The following SLIT3 variants were observed in gnomAD, a reference collection of about 807,000 sequenced individuals.
The protein encoded by SLIT3 is slit homolog 3 protein.
SLIT3 carries 68 observed loss-of-function variants against 184.0 expected under a neutral mutation model. The observed-to-expected ratio is 0.37, with a 90% CI of 0.30 to 0.45. The LOEUF (loss-of-function observed/expected upper bound fraction) is 0.45, where lower values mean the gene tolerates loss of function less well. Ranked by LOEUF, SLIT3 falls within the 20% of genes least tolerant of loss-of-function variation. The pLI is 1.00. For synonymous variants in SLIT3, 831 were observed against 828.6 expected (o/e 1.00, Z -0.05); for missense variants, 1,707 against 2,026.0 (o/e 0.84, Z 3.02).
chr5:168,775,912 T>C (rs1755730595), intron 12 of SLIT3, among the ~76,000 whole-genome samples: 1 of 152,200 alleles, frequency 6.6e-6, no homozygotes, highest in Non-Finnish European at 1.5e-5. Context: ...GTCAAGCACA[T>C]TGAGATCCTA....
chr5:168,784,872 C>T (rs1756096381), intron 12 of SLIT3, among the ~76,000 whole-genome samples: 1 of 150,830 alleles, frequency 6.6e-6, no homozygotes, highest in Admixed American at 6.6e-5. Flanking sequence ...TAAAAAGACA[C>T]ACACACACAC....
chr5:168,997,332 TC>T (rs1755549213), intron 4 of SLIT3, among the ~76,000 whole-genome samples: 2 of 151,888 alleles, frequency 1.3e-5, no homozygotes, highest in South Asian at 4.2e-4. Context: ...TCCTACCCCA[TC>T]CCCCCACTTT....
chr5:168,895,063 G>A (rs1224957389), intron 4 of SLIT3, among the ~76,000 whole-genome samples: 1 of 152,200 alleles, frequency 6.6e-6, no homozygotes, highest in African/African-American at 2.4e-5. Flanking sequence ...TTGTAGTGAG[G>A]TGAGGAGGTA....
At chr5:169,196,436 C>T (rs867631633) in intron 3 of SLIT3, among the ~76,000 whole-genome samples, 46 of 152,150 alleles carry the variant, frequency 3.0e-4, no homozygotes, top group Middle Eastern at 3.2e-3. Context: ...ACAGTGTCTA[C>T]GCAAGCGTTC....
intron 5 of SLIT3, among the ~76,000 whole-genome samples, chr5:168,854,850 A>G (rs965784575): frequency 3.1e-4 from 47 of 152,208 alleles, no homozygotes; most frequent in African/African-American, 1.1e-3. Flanking sequence ...GCAGAAGCCA[A>G]TTAAAACATG....
At chr5:169,236,758 C>T (rs1257764269) in intron 3 of SLIT3, among the ~76,000 whole-genome samples, 1 of 152,134 alleles carries the variant, frequency 6.6e-6, no homozygotes, top group Non-Finnish European at 1.5e-5. Context: ...GTGTGAGCCA[C>T]CACACCCAGC....
intron 9 of SLIT3, among the ~76,000 whole-genome samples, chr5:168,804,686 G>A (rs773957105): frequency 6.6e-5 from 10 of 152,224 alleles, no homozygotes; most frequent in Non-Finnish European, 1.5e-4. Context: ...CATGGGTTGT[G>A]TCTACTATGG....
At position 168,951,240 on chromosome 5, in the gene SLIT3, C is replaced by G. The variant is rs114202862; in HGVS notation, c.414-67904G>C. Among the ~76,000 whole-genome samples, 1,258 of 152,158 alleles carry G rather than the reference C, an allele frequency of 8.3e-3. 21 individuals carry two copies. The highest frequency in any genetic ancestry group is 0.028 in the African/African-American group (1,182 of 41,524). On this transcript the variant is annotated intron_variant, in intron 4 of 35. Transcript: ENST00000519560. ...CTCAAAACACGAAACAAAACAAAAC[C>G]CATCAAATCTATTTAATTTCAGTGA...
intron 4 of SLIT3, among the ~76,000 whole-genome samples, chr5:169,183,803 T>C (rs1763245539): frequency 6.6e-6 from 1 of 152,232 alleles, no homozygotes. Flanking sequence ...TATTCCCCCA[T>C]ATATCCCTTC....
In SLIT3 at chr5:168,664,941, C is replaced by CAGAT. The variant is rs1379494834; in HGVS notation, c.*1509_*1512dup. ...TAAGCCCTGGTCTCCAGAATCTTTC[C>CAGAT]AGATACTGCGGAGGGAGAAGGAGTG... On this transcript the variant is annotated 3_prime_UTR_variant, in exon 36 of 36. Coordinates refer to ENST00000519560, the MANE Select transcript of SLIT3 (RefSeq NM_003062.4). 6.6e-6 allele frequency: 1 copy of CAGAT among 152,272 alleles called. No individual in the cohort carries two copies. Among genetic ancestry groups the CAGAT allele is most frequent in the Non-Finnish European group, 1.5e-5 (1 of 68,076 alleles). The allele number at this position is 152,272 out of a possible 1,614,324, so 9.4% of individuals were successfully genotyped here.
chr5:169,042,724 C>T (rs1007232655), intron 4 of SLIT3, among the ~76,000 whole-genome samples: 3 of 152,076 alleles, frequency 2.0e-5, no homozygotes, highest in Non-Finnish European at 4.4e-5. Context: ...TTTGTTACAC[C>T]AACATTGCCA....
chr5:169,215,367 C>T (rs766362706), intron 3 of SLIT3, among the ~76,000 whole-genome samples: 24 of 152,190 alleles, frequency 1.6e-4, no homozygotes, highest in Non-Finnish European at 2.9e-4. Flanking sequence ...TCTGATCCTC[C>T]TGTCTACTCC....
At chr5:168,993,727 C>CAA (rs1210028538) in intron 4 of SLIT3, among the ~76,000 whole-genome samples, 1 of 151,230 alleles carries the variant, frequency 6.6e-6, no homozygotes, top group East Asian at 1.9e-4. Context: ...AAACAAGACA[C>CAA]AAAGTGAAGA....
At chr5:168,696,790 C>A (rs1762077987) in intron 27 of SLIT3, among the ~76,000 whole-genome samples, 1 of 152,166 alleles carries the variant, frequency 6.6e-6, no homozygotes, top group Non-Finnish European at 1.5e-5. Flanking sequence ...AAACTGCCCT[C>A]CCTTTGGCTC....
At position 168,752,925 on chromosome 5, in the gene SLIT3, T is replaced by C. The variant is rs779581213; in HGVS notation, c.1973+30A>G. 1.2e-5 allele frequency: 19 copies of C among 1,610,098 alleles called. No homozygotes were observed. In the South Asian group the frequency reaches 2.0e-4, roughly 17 times the overall value. The stretch of plus-strand genomic sequence containing the variant: ...AGCGCTGCAGAGTGGGATCCCAGAG[T>C]CCGTGGGCAGTGGACCCAGGAGAAC... On this transcript the variant is annotated intron_variant, in intron 18 of 35. Coordinates refer to ENST00000519560, the MANE Select transcript of SLIT3 (RefSeq NM_003062.4).
At chr5:169,193,000 C>T (rs368431902) in intron 4 of SLIT3, among the ~76,000 whole-genome samples, 3 of 152,102 alleles carry the variant, frequency 2.0e-5, no homozygotes, top group Admixed American at 2.0e-4. Context: ...AATCATAAAC[C>T]CCCAGACCCA....
At chr5:169,005,151 AC>A (rs1755869442) in intron 4 of SLIT3, among the ~76,000 whole-genome samples, 1 of 152,230 alleles carries the variant, frequency 6.6e-6, no homozygotes, top group Non-Finnish European at 1.5e-5. Flanking sequence ...TAATGCTGTT[AC>A]AAAATAGACT....
At chr5:168,679,713 A>G (rs1264510155) in intron 32 of SLIT3, among the ~76,000 whole-genome samples, 1 of 152,134 alleles carries the variant, frequency 6.6e-6, no homozygotes, top group Non-Finnish European at 1.5e-5. Flanking sequence ...CTCAGGCCCC[A>G]CTGCAGCAAC....
At chr5:169,159,777 T>TAAAC (rs961951447) in intron 4 of SLIT3, among the ~76,000 whole-genome samples, 6 of 152,006 alleles carry the variant, frequency 3.9e-5, no homozygotes, top group Admixed American at 6.6e-5. Context: ...CTCCGTCTCT[T>TAAAC]AAACAAACAA....
Sources: gnomAD v4.1 joint callset for allele counts (sites outside exome capture counted in the v4.1 genomes callset) on GRCh38, gnomAD v4.1.1 for gene constraint, MANE v1.5 for transcripts, NCBI Gene and HGNC (gene_info 2026-07-23, HGNC 2026-07-21) for gene names.